The following LRP2 variants were observed in gnomAD, a reference collection of about 807,000 sequenced individuals.
The protein encoded by LRP2 is low-density lipoprotein receptor-related protein 2.
A neutral mutation model predicts 531.0 loss-of-function variants in LRP2; 172 were observed. That is an observed-to-expected ratio of 0.32 (90% confidence interval 0.29 to 0.37). The LOEUF (loss-of-function observed/expected upper bound fraction) is 0.37, where lower values mean the gene tolerates loss of function less well. LRP2 is among the 10% of genes least tolerant of loss of function. LRP2 has a pLI of 1.00. For synonymous variants in LRP2, 1,992 were observed against 2,027.6 expected (o/e 0.98, Z 0.47); for missense variants, 5,167 against 5,868.3 (o/e 0.88, Z 3.90).
intron 34 of LRP2, among the ~76,000 whole-genome samples, chr2:169,220,156 G>A (rs985804398): frequency 6.6e-6 from 1 of 152,112 alleles, no homozygotes. Context: ...TTCAAAGTCA[G>A]AATATATTGT....
chr2:169,277,639 C>T, intron 13 of LRP2, 106 bp downstream of exon 13: 1 of 1,030,342 alleles, frequency 9.7e-7, no homozygotes, highest in Non-Finnish European at 1.5e-6. Context: ...TCATGTCCAC[C>T]AACAAAGCAA....
In LRP2 at chr2:169,172,242, G is replaced by C. The variant is rs1687033447; in HGVS notation, c.11144-108C>G. The C allele has an allele frequency of 2.3e-6, 3 of 1,304,494 alleles. No individual in the cohort carries two copies. The Admixed American group carries it at 5.5e-5, about 24-fold the overall frequency. 80.8% of individuals were successfully genotyped at this position (1,304,494 alleles called of 1,614,324 possible). On this transcript the variant is annotated intron_variant, in intron 57 of 78. Transcript: ENST00000649046. ...CTGAGAATTGTATTAGCTCACTCTT[G>C]AAGCTCCCAAAGAGAGGAATGCCAG...
rs1685604669 is a variant in LRP2 at position 169,138,651 on chromosome 2, C to T, written c.13444G>A (p.Gly4482Arg). 1 of 1,614,076 alleles carries T rather than the reference C, an allele frequency of 6.2e-7. No individual in the cohort carries two copies. The change falls in exon 75 of 79, where the codon GGG becomes AGG. Residue 4482 changes from glycine (G) to arginine (R), a missense_variant. By Grantham distance (125) the Gly-to-Arg change is moderately radical (BLOSUM62 -2). This residue lies in a region of LRP2 where 348 missense variants were observed against 369.3 expected (regional missense o/e 0.94). Coordinates refer to ENST00000649046, the MANE Select transcript of LRP2 (RefSeq NM_004525.3). ...CCAATATCCATGTTAAGATCTGCCCCTGATCTGAAGGTCACCCCATTCCCA... is the reference window on the plus strand; with the variant it reads ...CCAATATCCATGTTAAGATCTGCCCTTGATCTGAAGGTCACCCCATTCCCA... ...ENGNGVTFRS[G>R]ADLNMDIGVS...
chr2:169,195,401 C>T (rs898261679), intron 46 of LRP2, among the ~76,000 whole-genome samples: 1 of 151,858 alleles, frequency 6.6e-6, no homozygotes, highest in African/African-American at 2.4e-5. Context: ...TCACACTCAA[C>T]CTTTTAATAG....
intron 1 of LRP2, among the ~76,000 whole-genome samples, chr2:169,338,678 C>T (rs1488702366): frequency 1.3e-5 from 2 of 152,178 alleles, no homozygotes; most frequent in Non-Finnish European, 2.9e-5. Context: ...CCCAGCATGT[C>T]TAAAAGTCAA....
intron 3 of LRP2, among the ~76,000 whole-genome samples, chr2:169,310,441 T>A (rs1401707930): frequency 6.6e-6 from 1 of 152,240 alleles, no homozygotes; most frequent in Non-Finnish European, 1.5e-5. Flanking sequence ...AGGCCTTTTC[T>A]GCGTCTATTG....
intron 1 of LRP2, among the ~76,000 whole-genome samples, chr2:169,346,126 C>T (rs985306348): frequency 6.6e-6 from 1 of 152,178 alleles, no homozygotes; most frequent in African/African-American, 2.4e-5. Context: ...CAATCAGCAA[C>T]AACTATTAAA....
intron 64 of LRP2, 40 bp downstream of exon 64, chr2:169,157,331 A>T: frequency 6.2e-7 from 1 of 1,606,844 alleles, no homozygotes; most frequent in Non-Finnish European, 8.5e-7. Context: ...CCTTAGATGT[A>T]AAGTTCACCT....
At chr2:169,260,247 G>A (rs1026463850) in intron 16 of LRP2, among the ~76,000 whole-genome samples, 3 of 152,132 alleles carry the variant, frequency 2.0e-5, no homozygotes, top group African/African-American at 7.2e-5. Flanking sequence ...AAAGAGTAAT[G>A]AGTGCTGAGA....
At chr2:169,239,167 C>G (rs2105380349) in intron 26 of LRP2, among the ~76,000 whole-genome samples, 1 of 152,190 alleles carries the variant, frequency 6.6e-6, no homozygotes, top group African/African-American at 2.4e-5. Context: ...AAAGCACTTT[C>G]TTATAGCAGA....
At chr2:169,296,592 G>T (rs1684139706) in intron 4 of LRP2, among the ~76,000 whole-genome samples, 1 of 151,952 alleles carries the variant, frequency 6.6e-6, no homozygotes, top group Non-Finnish European at 1.5e-5. Flanking sequence ...AAAACTCGTA[G>T]AAAACCCAGC....
intron 41 of LRP2, among the ~76,000 whole-genome samples, chr2:169,204,581 T>C (rs553956751): frequency 6.6e-6 from 1 of 152,320 alleles, no homozygotes; most frequent in African/African-American, 2.4e-5. Flanking sequence ...GTTAAGCACA[T>C]AGCAGACTCT....
chr2:169,136,954 T>G (rs1685537065), intron 76 of LRP2, among the ~76,000 whole-genome samples: 2 of 152,184 alleles, frequency 1.3e-5, no homozygotes, highest in South Asian at 4.1e-4. Flanking sequence ...TCAAACCACA[T>G]GCTTGGGATA....
rs749235665 is a variant in LRP2 at position 169,162,476 on chromosome 2, A to G, written c.11883T>C (p.Gly3961=). ...TAAAAACAAGTGTTTACTTACTGCA[A>G]CCCAGTTCATCGGACCAGTCACCAC... The part of the protein sequence containing the change: ...DDCGDWSDEL[G]CNKGKERTCA... The change falls in exon 63 of 79, where the codon GGT becomes GGC. Residue 3961 remains glycine (G), a synonymous_variant. Coordinates refer to ENST00000649046, the MANE Select transcript of LRP2 (RefSeq NM_004525.3). The G allele has an allele frequency of 1.5e-5, 25 of 1,614,104 alleles. No homozygotes were observed. Among genetic ancestry groups the G allele is most frequent in the Non-Finnish European group, 2.1e-5 (25 of 1,179,988 alleles).
intron 30 of LRP2, among the ~76,000 whole-genome samples, chr2:169,232,565 A>G (rs982286089): frequency 2.0e-5 from 3 of 152,206 alleles, no homozygotes; most frequent in Non-Finnish European, 4.4e-5. Flanking sequence ...GAGAGGTTTC[A>G]GAACATGAGG....
rs750031490 is a variant in LRP2 at position 169,196,937 on chromosome 2, T to C, written c.8672A>G (p.Asp2891Gly). ...WYCDQETDCF[D>G]ASDEPASCGH... ...ACAAGAGGCAGGTTCATCAGAGGCA[T>C]CAAAACAATCTGTTTCTTGATCACA... Residue 2891 changes from aspartate (D) to glycine (G), a missense_variant, in exon 46 of 79, where the codon GAT becomes GGT. Physicochemically the swap from Asp to Gly is moderately conservative, Grantham distance 94 (BLOSUM62 -1). Coordinates refer to ENST00000649046, the MANE Select transcript of LRP2 (RefSeq NM_004525.3). The C allele has an allele frequency of 6.2e-7, 1 of 1,614,078 alleles. No homozygotes were observed. The highest frequency in any genetic ancestry group is 8.5e-7 in the Non-Finnish European group (1 of 1,180,028).
intron 6 of LRP2, 30 bp from the exon 7 acceptor site, chr2:169,292,399 G>T: frequency 7.2e-7 from 1 of 1,391,954 alleles, no homozygotes; most frequent in Non-Finnish European, 1.0e-6. Context: ...GCACTCCAAA[G>T]ACACAAATCA....
chr2:169,195,325 T>A (rs913045244), intron 46 of LRP2, among the ~76,000 whole-genome samples: 1 of 152,186 alleles, frequency 6.6e-6, no homozygotes, highest in African/African-American at 2.4e-5. Flanking sequence ...TCTGTTTTTT[T>A]AAAATCTATA....
chr2:169,165,532 A>G (rs925679194), intron 62 of LRP2, among the ~76,000 whole-genome samples: 4 of 152,184 alleles, frequency 2.6e-5, no homozygotes, highest in African/African-American at 7.2e-5. Flanking sequence ...GCACCTGCCT[A>G]GATTAGCAAT....
Sources: allele counts gnomAD v4.1 joint callset (sites outside exome capture counted in the v4.1 genomes callset), GRCh38; gene constraint gnomAD v4.1.1; regional missense constraint gnomAD v4.1.1; transcripts MANE v1.5; gene names NCBI Gene and HGNC (gene_info 2026-07-23, HGNC 2026-07-21).